The following RBFOX1 variants were observed in gnomAD, a reference collection of about 807,000 sequenced individuals.
RBFOX1 encodes the protein RNA binding fox-1 homolog 1, also known as RNA binding protein fox-1 homolog 1.
A neutral mutation model predicts 57.7 loss-of-function variants in RBFOX1; 8 were observed. The ratio of observed to expected loss-of-function variants is 0.14; its 90% CI spans 0.08 to 0.25. The LOEUF is 0.25. Ranked by LOEUF, RBFOX1 falls within the 10% of genes least tolerant of loss-of-function variation. RBFOX1 has a pLI of 1.00. For synonymous variants in RBFOX1, 326 were observed against 222.4 expected (o/e 1.47, Z -4.15); for missense variants, 611 against 548.5 (o/e 1.11, Z -1.14).
chr16:7,342,011 G>C (rs564524869), intron 4 of RBFOX1, among the ~76,000 whole-genome samples: 9 of 152,118 alleles, frequency 5.9e-5, no homozygotes, highest in Non-Finnish European at 1.0e-4. Context: ...GAGAATTGCA[G>C]TGAGGAGGGG....
intron 2 of RBFOX1, among the ~76,000 whole-genome samples, chr16:6,598,975 C>T (rs114981023): frequency 0.043 from 6,521 of 152,116 alleles, 443 homozygotes; most frequent in African/African-American, 0.15. Context: ...ACAAACTCCT[C>T]TGTTTCCCAT....
At chr16:6,356,763 T>G (rs150568711) in intron 2 of RBFOX1, among the ~76,000 whole-genome samples, 40 of 152,336 alleles carry the variant, frequency 2.6e-4, no homozygotes, top group African/African-American at 9.6e-4. Flanking sequence ...GTGCAGACTT[T>G]AGTTAATAAT....
intron 3 of RBFOX1, among the ~76,000 whole-genome samples, chr16:5,704,711 T>G (rs1291656378): frequency 6.6e-6 from 1 of 152,072 alleles, no homozygotes; most frequent in Non-Finnish European, 1.5e-5. Context: ...CTCATTTATA[T>G]TTTGGGGGGC....
At chr16:5,902,763 T>C (rs2058336764) in intron 4 of RBFOX1, among the ~76,000 whole-genome samples, 1 of 152,116 alleles carries the variant, frequency 6.6e-6, no homozygotes, top group Non-Finnish European at 1.5e-5. Flanking sequence ...TCTTATTCTA[T>C]CCACCCTCCT....
intron 4 of RBFOX1, among the ~76,000 whole-genome samples, chr16:7,076,213 T>TAG (rs1016380148): frequency 1.2e-4 from 18 of 151,856 alleles, no homozygotes; most frequent in African/African-American, 4.3e-4. Context: ...TTTTGTATTT[T>TAG]AGTAGAGATG....
Position 6,764,997 on chromosome 16 carries a change from A to G in RBFOX1, c.-16+110347A>G, listed in dbSNP as rs58406461. 5.0e-3 allele frequency among the ~76,000 whole-genome samples: 762 copies of G among 152,008 alleles called. 7 individuals are homozygous for G. Among genetic ancestry groups the G allele is most frequent in the African/African-American group, 0.017 (707 of 41,486 alleles). On this transcript the variant is annotated intron_variant, in intron 3 of 15. Coordinates refer to ENST00000550418, the MANE Select transcript of RBFOX1 (RefSeq NM_018723.4). ...ATGGGATATTGTAATGGAGAATCAT[A>G]ATGTGTGTGTTGGCTAAGGTTTTCA...
At chr16:6,186,572 A>G (rs954813307) in intron 1 of RBFOX1, among the ~76,000 whole-genome samples, 72 of 152,176 alleles carry the variant, frequency 4.7e-4, no homozygotes, top group Non-Finnish European at 1.3e-4. Flanking sequence ...ACATTGCCCT[A>G]GCTTCACGTT....
chr16:6,558,253 T>C (rs1167421092), intron 2 of RBFOX1, among the ~76,000 whole-genome samples: 2 of 152,106 alleles, frequency 1.3e-5, no homozygotes, highest in East Asian at 1.9e-4. Flanking sequence ...CCACCTCCCA[T>C]TGTTAGAGGC....
chr16:6,927,918 T>C (rs1216447881), intron 3 of RBFOX1, among the ~76,000 whole-genome samples: 2 of 152,204 alleles, frequency 1.3e-5, no homozygotes, highest in Non-Finnish European at 2.9e-5. Context: ...ACACTAAATA[T>C]AATGATATAA....
intron 3 of RBFOX1, among the ~76,000 whole-genome samples, chr16:6,780,356 T>C (rs1435532471): frequency 2.0e-5 from 2 of 101,756 alleles, no homozygotes; most frequent in Non-Finnish European, 3.3e-5. Context: ...TATACATATT[T>C]ATATACATAT....
intron 7 of RBFOX1, among the ~76,000 whole-genome samples, chr16:7,591,692 C>T (rs1246465612): frequency 1.3e-5 from 2 of 152,116 alleles, no homozygotes; most frequent in South Asian, 4.1e-4. Flanking sequence ...TCTCTGTACC[C>T]CTTCTTGCGG....
At chr16:5,341,782 G>T (rs1346129347) in intron 1 of RBFOX1, among the ~76,000 whole-genome samples, 1 of 152,196 alleles carries the variant, frequency 6.6e-6, no homozygotes, top group Non-Finnish European at 1.5e-5. Context: ...GAGGAGACTG[G>T]AAGAGAAACA....
intron 4 of RBFOX1, among the ~76,000 whole-genome samples, chr16:7,516,604 A>C (rs1339166408): frequency 6.6e-6 from 1 of 152,178 alleles, no homozygotes; most frequent in African/African-American, 2.4e-5. Flanking sequence ...CCCCAGTGCT[A>C]TGGGAAAATG....
chr16:7,065,451 G>A (rs985553912), intron 4 of RBFOX1, among the ~76,000 whole-genome samples: 7 of 152,092 alleles, frequency 4.6e-5, no homozygotes, highest in Admixed American at 3.9e-4. Context: ...TTTTGCATGG[G>A]TTTTTCTGAA....
chr16:7,278,136 T>C (rs1302822678), intron 4 of RBFOX1, among the ~76,000 whole-genome samples: 1 of 152,064 alleles, frequency 6.6e-6, no homozygotes, highest in East Asian at 1.9e-4. Flanking sequence ...GTTTCCAAAA[T>C]TGTAAGGTAA....
At chr16:5,491,762 A>C (rs548289374) in intron 2 of RBFOX1, among the ~76,000 whole-genome samples, 1 of 152,336 alleles carries the variant, frequency 6.6e-6, no homozygotes, top group Admixed American at 6.5e-5. Flanking sequence ...CTGGCCCTTA[A>C]AGACAGCTCT....
At chr16:5,986,774 C>T (rs949745458) in intron 4 of RBFOX1, among the ~76,000 whole-genome samples, 1 of 152,158 alleles carries the variant, frequency 6.6e-6, no homozygotes, top group Non-Finnish European at 1.5e-5. Context: ...TTGCACTGTT[C>T]ACTTGTTGAA....
At chr16:5,536,769 A>G (rs2044715374) in intron 2 of RBFOX1, among the ~76,000 whole-genome samples, 1 of 151,592 alleles carries the variant, frequency 6.6e-6, no homozygotes, top group South Asian at 2.1e-4. Flanking sequence ...GTAACATCTT[A>G]TTGTAATATG....
At chr16:6,502,455 G>A (rs537620640) in intron 2 of RBFOX1, among the ~76,000 whole-genome samples, 1 of 152,258 alleles carries the variant, frequency 6.6e-6, no homozygotes, top group East Asian at 1.9e-4. Flanking sequence ...TTAAGTCTCA[G>A]TTTGCTCATC....
Sources: allele counts gnomAD v4.1 joint callset (sites outside exome capture counted in the v4.1 genomes callset), GRCh38; gene constraint gnomAD v4.1.1; transcripts MANE v1.5; gene names NCBI Gene and HGNC (gene_info 2026-07-23, HGNC 2026-07-21).